The following LSAMP variants were observed in gnomAD, a reference collection of about 807,000 sequenced individuals.
LSAMP encodes limbic system-associated membrane protein.
Under a neutral mutation model 38.6 loss-of-function variants are expected in LSAMP, and 7 were observed. The ratio of observed to expected loss-of-function variants is 0.18; its 90% CI spans 0.10 to 0.34. LSAMP has a LOEUF of 0.34. Ranked by LOEUF, LSAMP falls within the 10% of genes least tolerant of loss-of-function variation. The pLI is 1.00. For missense variants in LSAMP, 313 were observed against 420.0 expected (o/e 0.75, Z 2.23); for synonymous variants, 154 against 166.8 (o/e 0.92, Z 0.59).
chr3:115,986,902 C>T (rs1051537483), intron 3 of LSAMP, among the ~76,000 whole-genome samples: 1 of 152,082 alleles, frequency 6.6e-6, no homozygotes, highest in African/African-American at 2.4e-5. Flanking sequence ...TTATATTAGG[C>T]ATATATGTGA....
chr3:116,285,771 G>A (rs922844617), intron 1 of LSAMP, among the ~76,000 whole-genome samples: 1 of 152,100 alleles, frequency 6.6e-6, no homozygotes, highest in Non-Finnish European at 1.5e-5. Context: ...AAAAAGAAAT[G>A]CCTTCTTTTT....
At chr3:116,278,616 T>G (rs930692577) in intron 1 of LSAMP, among the ~76,000 whole-genome samples, 1 of 152,182 alleles carries the variant, frequency 6.6e-6, no homozygotes, top group African/African-American at 2.4e-5. Flanking sequence ...ACTTCCATTG[T>G]GACATAACTG....
chr3:116,143,990 A>T (rs1920366), intron 1 of LSAMP, among the ~76,000 whole-genome samples: 78,321 of 151,734 alleles, frequency 0.52, 21,361 homozygotes, highest in East Asian at 0.76. Flanking sequence ...ATGAAGTCTA[A>T]ATATTCCAAG....
intron 1 of LSAMP, among the ~76,000 whole-genome samples, chr3:116,318,091 G>C (rs544317955): frequency 1.4e-5 from 2 of 143,182 alleles, no homozygotes; most frequent in African/African-American, 5.3e-5. Context: ...AGCCAAGATC[G>C]TGCCACTGCA....
chr3:115,876,278 CTT>C (rs58536199), intron 3 of LSAMP, among the ~76,000 whole-genome samples: 18,973 of 123,130 alleles, frequency 0.15, 1,565 homozygotes, highest in Admixed American at 0.27. Flanking sequence ...AAGGAAAAAG[CTT>C]TTTTTTTTTT....
intron 3 of LSAMP, among the ~76,000 whole-genome samples, chr3:115,926,391 A>T (rs1350616782): frequency 6.6e-6 from 1 of 152,232 alleles, no homozygotes; most frequent in East Asian, 1.9e-4. Flanking sequence ...AGGAAATCAC[A>T]CGGAAATGGT....
At chr3:116,310,928 T>C (rs1021365230) in intron 1 of LSAMP, among the ~76,000 whole-genome samples, 54 of 151,916 alleles carry the variant, frequency 3.6e-4, no homozygotes, top group African/African-American at 1.2e-3. Flanking sequence ...TTTTTTTTTT[T>C]TTAAATCATG....
intron 3 of LSAMP, among the ~76,000 whole-genome samples, chr3:115,939,585 T>TTTCTTTCTCTTTC (rs58450242): frequency 6.7e-6 from 1 of 150,316 alleles, no homozygotes; most frequent in Non-Finnish European, 1.5e-5. Flanking sequence ...TCTTTCTTTC[T>TTTCTTTCTCTTTC]GTTAAGAGAC....
chr3:116,004,569 C>T (rs1251694431), intron 3 of LSAMP, among the ~76,000 whole-genome samples: 14 of 147,286 alleles, frequency 9.5e-5, no homozygotes, highest in Non-Finnish European at 1.5e-5. Context: ...TATATATATA[C>T]ATATATATAC....
chr3:116,018,795 G>A (rs1940554562), intron 3 of LSAMP, among the ~76,000 whole-genome samples: 1 of 152,096 alleles, frequency 6.6e-6, no homozygotes, highest in Non-Finnish European at 1.5e-5. Flanking sequence ...TGGTGAGAAG[G>A]GGAAAGAAAG....
chr3:116,333,774 A>C (rs2047884446), intron 1 of LSAMP, among the ~76,000 whole-genome samples: 1 of 152,042 alleles, frequency 6.6e-6, no homozygotes, highest in African/African-American at 2.4e-5. Context: ...AGTGCTGAGA[A>C]AATTTATGCT....
rs1450412547 is a variant in LSAMP at position 116,208,128 on chromosome 3, C to T, written c.156-121572G>A. On this transcript the variant is annotated intron_variant, in intron 1 of 6. Coordinates refer to ENST00000490035, the MANE Select transcript of LSAMP (RefSeq NM_002338.5). The stretch of plus-strand genomic sequence containing the variant: ...TTTATTCTTTTTTCTCTAAACTTCC[C>T]TTCTCGCTTCATTTCATTCATTTCA... Among the ~76,000 whole-genome samples the T allele has an allele frequency of 2.0e-3, 307 of 151,202 alleles. 1 individual carries two copies. The highest frequency in any genetic ancestry group is 7.0e-3 in the African/African-American group (286 of 41,028).
chr3:115,836,250 G>T (rs1934782181), intron 6 of LSAMP, among the ~76,000 whole-genome samples: 6 of 152,120 alleles, frequency 3.9e-5, no homozygotes, highest in Admixed American at 2.0e-4. Flanking sequence ...CGCCCCATTA[G>T]TTATTCTCAT....
intron 1 of LSAMP, among the ~76,000 whole-genome samples, chr3:116,418,536 A>G (rs572043200): frequency 2.2e-4 from 33 of 152,064 alleles, no homozygotes; most frequent in African/African-American, 8.0e-4. Flanking sequence ...ATTCTAGCTT[A>G]TCCCTTCATG....
At chr3:115,945,337 G>A (rs908015818) in intron 3 of LSAMP, among the ~76,000 whole-genome samples, 1 of 152,102 alleles carries the variant, frequency 6.6e-6, no homozygotes, top group Admixed American at 6.6e-5. Flanking sequence ...CTAGGTCAGA[G>A]CTTGGACTAA....
intron 1 of LSAMP, among the ~76,000 whole-genome samples, chr3:116,375,964 T>C (rs1459338258): frequency 6.6e-6 from 1 of 152,026 alleles, no homozygotes; most frequent in Non-Finnish European, 1.5e-5. Flanking sequence ...TGCATAATTT[T>C]ACTCTGTATA....
chr3:115,964,720 A>G (rs1310725663), intron 3 of LSAMP, among the ~76,000 whole-genome samples: 1 of 152,174 alleles, frequency 6.6e-6, no homozygotes, highest in Admixed American at 6.5e-5. Flanking sequence ...AACAAAAATC[A>G]AACGCATTTC....
intron 1 of LSAMP, among the ~76,000 whole-genome samples, chr3:116,312,444 T>C (rs1024827497): frequency 6.6e-6 from 1 of 152,226 alleles, no homozygotes; most frequent in Non-Finnish European, 1.5e-5. Flanking sequence ...GCTATTAAGA[T>C]AATAGCCAGT....
rs551878851 is a variant in LSAMP at position 116,156,159 on chromosome 3, G to T, written c.156-69603C>A. ...GATCTCATTCAGAGTCCCCAGGCAGGGGGTGGCAAATGTATAATCCCACAC... is the reference window on the plus strand; with the variant it reads ...GATCTCATTCAGAGTCCCCAGGCAGTGGGTGGCAAATGTATAATCCCACAC... On this transcript the variant is annotated intron_variant, in intron 1 of 6. Coordinates refer to ENST00000490035, the MANE Select transcript of LSAMP (RefSeq NM_002338.5). 4.6e-5 allele frequency among the ~76,000 whole-genome samples: 7 copies of T among 152,200 alleles called. No homozygotes were observed. In the South Asian group the frequency reaches 1.0e-3, roughly 23 times the overall value.
Sources: gnomAD v4.1 joint callset for allele counts (sites outside exome capture counted in the v4.1 genomes callset) on GRCh38, gnomAD v4.1.1 for gene constraint, MANE v1.5 for transcripts, NCBI Gene and HGNC (gene_info 2026-07-23, HGNC 2026-07-21) for gene names.